The following FRMPD4 variants were observed in gnomAD, a reference collection of about 807,000 sequenced individuals.
FRMPD4 encodes FERM and PDZ domain containing 4.
FRMPD4 carries 22 observed loss-of-function variants against 94.1 expected under a neutral mutation model. The ratio of observed to expected loss-of-function variants is 0.23; its 90% CI spans 0.17 to 0.33. The LOEUF is 0.33. FRMPD4 is among the 10% of genes least tolerant of loss of function. The pLI is 1.00. For synonymous variants in FRMPD4, 631 were observed against 548.6 expected, an observed-to-expected ratio of 1.15 and a Z score of -2.10; for missense variants, 1,111 against 1,339.9, an observed-to-expected ratio of 0.83 and a Z score of 2.67.
At position 12,138,991 on chromosome X, in the gene FRMPD4, T is replaced by C; in HGVS notation, c.20T>C (p.Val7Ala). Reference protein sequence around the residue: MDVFSFVKIAKLSSHRT... With the variant: MDVFSFAKIAKLSSHRT... The stretch of plus-strand genomic sequence containing the variant: ...GCCTGCATGGATGTCTTCAGCTTTG[T>C]GAAGATTGCAAAGCTTTCGAGGTAG... Residue 7 changes from valine (V) to alanine (A), a missense_variant, in exon 1 of 17, where the codon GTG (valine) becomes GCG (alanine). Val to Ala is a moderately conservative substitution (Grantham distance 64). Around this residue, in one of 8 missense-constraint regions of FRMPD4, gnomAD observed 140 missense variants for 165.9 expected, o/e 0.84. Transcript: ENST00000675598. 1 of 1,171,245 alleles carries C rather than the reference T, an allele frequency of 8.5e-7. No individual in the cohort carries two copies. Among genetic ancestry groups the C allele is most frequent in the Non-Finnish European group, 1.1e-6 (1 of 874,591 alleles).
chrX:11,917,098 T>C (rs2054028879), intron 3 of FRMPD4, among the ~76,000 whole-genome samples: 1 of 112,128 alleles, frequency 8.9e-6, no homozygotes, highest in Non-Finnish European at 1.9e-5. Flanking sequence ...CAGACACTTT[T>C]CAAAAGAAGA....
chrX:12,440,794 TTACTTA>T (rs1192784696), intron 1 of FRMPD4, among the ~76,000 whole-genome samples: 1 of 107,197 alleles, frequency 9.3e-6, no homozygotes, highest in African/African-American at 3.7e-5. Context: ...CCCTATAAAC[TTACTTA>T]TAGAGTACCA....
chrX:12,073,680 A>G (rs2054988773), intron 3 of FRMPD4, among the ~76,000 whole-genome samples: 1 of 112,306 alleles, frequency 8.9e-6, no homozygotes, highest in African/African-American at 3.2e-5. Flanking sequence ...GTAATAATGT[A>G]TCTTTCTCTT....
chrX:12,638,424 T>C (rs2059462588), intron 4 of FRMPD4, among the ~76,000 whole-genome samples: 1 of 110,964 alleles, frequency 9.0e-6, no homozygotes, highest in Admixed American at 9.6e-5. Context: ...TTTTTAGAGA[T>C]AGGGTCTTGC....
chrX:12,128,172 G>A lies in FRMPD4; in HGVS notation c.95+250154G>A, dbSNP rs144839004. On this transcript the variant is annotated intron_variant, in intron 3 of 18. Transcript: ENST00000640291. ...CCCCACATTTCCCTTCCACACTGCC[G>A]TAGCAGTGGTTCTCCATGAGGGCTC... is the stretch of plus-strand genomic sequence containing the variant. Among the ~76,000 whole-genome samples, 750 of 113,242 alleles carry A rather than the reference G, an allele frequency of 6.6e-3. 12 individuals carry two copies. The highest frequency in any genetic ancestry group is 0.059 in the Admixed American group (640 of 10,832).
Position 12,667,652 on chromosome X carries a change from C to A in FRMPD4, c.423-7211C>A, listed in dbSNP as rs146870220. 9.3e-3 allele frequency among the ~76,000 whole-genome samples: 1,047 copies of A among 112,417 alleles called. 18 individuals are homozygous for A. The highest frequency in any genetic ancestry group is 0.033 in the African/African-American group (1,017 of 30,967). ...CTCATTGGAAGCTGGGCTTCTTCCT[C>A]ACATAGCTTTGCTTTCTGCATCAAA... On this transcript the variant is annotated intron_variant, in intron 4 of 16. Transcript: ENST00000675598.
chrX:12,300,596 A>G (rs2054845039), intron 1 of FRMPD4, among the ~76,000 whole-genome samples: 1 of 112,519 alleles, frequency 8.9e-6, no homozygotes, highest in Non-Finnish European at 1.9e-5. Context: ...GTTCCATATT[A>G]TGAACAAATG....
At chrX:12,352,169 T>C (rs1304127872) in intron 1 of FRMPD4, among the ~76,000 whole-genome samples, 1 of 112,518 alleles carries the variant, frequency 8.9e-6, no homozygotes, top group Non-Finnish European at 1.9e-5. Context: ...CTTGCCATTA[T>C]GGATCTTTTT....
intron 1 of FRMPD4, among the ~76,000 whole-genome samples, chrX:11,847,588 T>C (rs1325698564): frequency 1.9e-5 from 2 of 107,835 alleles, no homozygotes; most frequent in African/African-American, 6.9e-5. Flanking sequence ...CACACGTATG[T>C]TTATTGCGGC....
chrX:12,187,937 G>A (rs1415768971), intron 1 of FRMPD4, among the ~76,000 whole-genome samples: 3 of 111,937 alleles, frequency 2.7e-5, no homozygotes, highest in Admixed American at 9.5e-5. Flanking sequence ...AACATACAAT[G>A]ATTATTGATA....
intron 4 of FRMPD4, among the ~76,000 whole-genome samples, chrX:12,641,554 C>T (rs1000092905): frequency 9.0e-6 from 1 of 111,709 alleles, no homozygotes; most frequent in Admixed American, 9.5e-5. Flanking sequence ...CCTGGAGTTC[C>T]CAAGGATATC....
chrX:12,688,439 G>T (rs1188020901), intron 7 of FRMPD4, among the ~76,000 whole-genome samples: 1 of 112,423 alleles, frequency 8.9e-6, no homozygotes, highest in Non-Finnish European at 1.9e-5. Context: ...AGGAAGAAAT[G>T]CAAAGAGTTC....
intron 3 of FRMPD4, among the ~76,000 whole-genome samples, chrX:11,927,487 A>G (rs2054095841): frequency 8.9e-6 from 1 of 111,909 alleles, no homozygotes; most frequent in Non-Finnish European, 1.9e-5. Context: ...ACACTACCCA[A>G]CATCAAAACT....
intron 3 of FRMPD4, among the ~76,000 whole-genome samples, chrX:12,006,900 G>T (rs1425512059): frequency 8.9e-6 from 1 of 111,809 alleles, no homozygotes; most frequent in Non-Finnish European, 1.9e-5. Context: ...GATGGAGGAG[G>T]AGAGTGAGGG....
chrX:12,352,292 CAA>C (rs1241779251), intron 1 of FRMPD4, among the ~76,000 whole-genome samples: 5 of 112,301 alleles, frequency 4.5e-5, no homozygotes, highest in Admixed American at 1.9e-4. Context: ...TTAAAAATCA[CAA>C]AGTTTGTAAA....
At chrX:11,965,746 T>TA (rs1300250086) in intron 3 of FRMPD4, among the ~76,000 whole-genome samples, 9 of 111,638 alleles carry the variant, frequency 8.1e-5, no homozygotes, top group Admixed American at 4.8e-4. Flanking sequence ...ATCTTAAATT[T>TA]AAAAAAAATC....
intron 14 of FRMPD4, among the ~76,000 whole-genome samples, chrX:12,715,520 C>T (rs2042062397): frequency 8.9e-6 from 1 of 111,799 alleles, no homozygotes; most frequent in Admixed American, 9.4e-5. Context: ...TTTGTACTAT[C>T]ATTACAACAT....
chrX:12,053,359 G>GAAGA (rs57459327), intron 3 of FRMPD4, among the ~76,000 whole-genome samples: 4,879 of 51,354 alleles, frequency 0.095, 373 homozygotes, highest in Non-Finnish European at 0.1. Context: ...AGGAAAGAAA[G>GAAGA]AAGAAAGAAA....
intron 1 of FRMPD4, among the ~76,000 whole-genome samples, chrX:12,448,348 T>TA (rs1377631867): frequency 9.0e-6 from 1 of 111,704 alleles, no homozygotes; most frequent in Non-Finnish European, 1.9e-5. Flanking sequence ...AGGATTTGAG[T>TA]AAAAAAACAA....
Sources: gnomAD v4.1 joint callset for allele counts (sites outside exome capture counted in the v4.1 genomes callset) on GRCh38, gnomAD v4.1.1 for gene constraint, gnomAD v4.1.1 regional missense constraint, MANE v1.5 for transcripts, NCBI Gene and HGNC (gene_info 2026-07-23, HGNC 2026-07-21) for gene names.